The following NCOA2 variants were observed in gnomAD, a reference collection of about 807,000 sequenced individuals.
NCOA2 encodes the protein nuclear receptor coactivator 2.
A neutral mutation model predicts 145.1 loss-of-function variants in NCOA2; 21 were observed. That is an observed-to-expected ratio of 0.14 (90% confidence interval 0.10 to 0.21). The LOEUF (loss-of-function observed/expected upper bound fraction) is 0.21. NCOA2 is among the 10% of genes least tolerant of loss of function. NCOA2 has a pLI of 1.00. For missense variants in NCOA2, 1,472 were observed against 1,837.6 expected, an observed-to-expected ratio of 0.80 and a Z score of 3.64; for synonymous variants, 619 against 637.5, an observed-to-expected ratio of 0.97 and a Z score of 0.44.
At chr8:70,257,822 CCTGAT>C (rs1330931383) in intron 2 of NCOA2, among the ~76,000 whole-genome samples, 2 of 152,078 alleles carry the variant, frequency 1.3e-5, no homozygotes, top group Non-Finnish European at 2.9e-5. Context: ...TTCCTACCTC[CCTGAT>C]CTGTCTTGGA....
At chr8:70,284,839 GAGGGAGAAGGGAGA>G in intron 2 of NCOA2, among the ~76,000 whole-genome samples, 1 of 147,108 alleles carries the variant, frequency 6.8e-6, no homozygotes, top group African/African-American at 2.4e-5. Context: ...AGACAGGAGA[GAGGGAGAAGGGAGA>G]AGGGAGAGGG....
chr8:70,266,144 C>T (rs1352002306), intron 2 of NCOA2, among the ~76,000 whole-genome samples: 2 of 151,860 alleles, frequency 1.3e-5, no homozygotes, highest in Non-Finnish European at 1.5e-5. Context: ...AGTGAGACTC[C>T]GTCTCAAAAA....
At position 70,182,892 on chromosome 8, in the gene NCOA2, T is replaced by C. The variant is rs1386646567; in HGVS notation, c.260-8033A>G. On this transcript the variant is annotated intron_variant, in intron 4 of 22. Transcript: ENST00000452400. Reference sequence around the variant, plus strand: ...ACAATGTAGACACTGAAAGAACCCATGGAAACATGGCTTCAGAAGTGCTTC... The same window carrying C: ...ACAATGTAGACACTGAAAGAACCCACGGAAACATGGCTTCAGAAGTGCTTC... Among the ~76,000 whole-genome samples the C allele has an allele frequency of 5.9e-5, 9 of 152,112 alleles. No homozygotes were observed. The South Asian group carries it at 1.5e-3, about 25-fold the overall frequency.
chr8:70,279,959 G>C (rs1455679152), intron 2 of NCOA2, among the ~76,000 whole-genome samples: 1 of 152,150 alleles, frequency 6.6e-6, no homozygotes, highest in Middle Eastern at 3.2e-3. Context: ...ACTTACAAAA[G>C]GTAATAAGTT....
At chr8:70,148,518 A>G (rs1242835452) in intron 11 of NCOA2, 35 bp from the exon 12 acceptor site, 7 of 1,596,454 alleles carry the variant, frequency 4.4e-6, no homozygotes, top group Admixed American at 1.7e-5. Flanking sequence ...TATCCAGTCT[A>G]CTCTAAGAGT....
In NCOA2 at chr8:70,110,153, A is replaced by C. The variant is rs1806416813; in HGVS notation, c.*3479T>G. 1 of 201,508 alleles carries C rather than the reference A, an allele frequency of 5.0e-6. No individual in the cohort carries two copies. The highest frequency in any genetic ancestry group is 1.9e-4 in the South Asian group (1 of 5,246). The allele number at this position is 201,508 out of a possible 1,614,324, so 12.5% of individuals were successfully genotyped here. ...ACTTCATGAGGAACTGTACAAATAA[A>C]ACTCACAAATGACAAAGGAAAAAAA... is the stretch of plus-strand genomic sequence containing the variant. On this transcript the variant is annotated 3_prime_UTR_variant, in exon 23 of 23. Transcript: ENST00000452400.
intron 1 of NCOA2, among the ~76,000 whole-genome samples, chr8:70,314,178 T>TC (rs1805366038): frequency 1.6e-4 from 5 of 32,158 alleles, no homozygotes; most frequent in Non-Finnish European, 1.9e-4. Flanking sequence ...AGACTCTGAC[T>TC]CCAAAAAAAA....
intron 2 of NCOA2, among the ~76,000 whole-genome samples, chr8:70,221,596 T>A (rs1820141336): frequency 6.6e-6 from 1 of 152,130 alleles, no homozygotes; most frequent in Non-Finnish European, 1.5e-5. Context: ...ACAGAAGACA[T>A]CCAGTTGCTA....
chr8:70,251,864 A>G (rs1011792513), intron 2 of NCOA2, among the ~76,000 whole-genome samples: 1 of 152,200 alleles, frequency 6.6e-6, no homozygotes, highest in East Asian at 1.9e-4. Context: ...TTGGATAACC[A>G]TTGTCTCTGG....
At chr8:70,135,063 C>T (rs1415976977) in intron 15 of NCOA2, among the ~76,000 whole-genome samples, 6 of 152,112 alleles carry the variant, frequency 3.9e-5, no homozygotes, top group Admixed American at 1.3e-4. Flanking sequence ...GTGGGTAACG[C>T]CTAACCTTCC....
chr8:70,129,510 T>TG (rs773173749), intron 16 of NCOA2, among the ~76,000 whole-genome samples: 2 of 152,108 alleles, frequency 1.3e-5, no homozygotes, highest in Non-Finnish European at 2.9e-5. Flanking sequence ...TAGTACATGG[T>TG]GGGGTCCAAT....
intron 2 of NCOA2, among the ~76,000 whole-genome samples, chr8:70,223,925 C>CTT (rs1304815621): frequency 6.6e-6 from 1 of 152,194 alleles, no homozygotes; most frequent in Non-Finnish European, 1.5e-5. Flanking sequence ...TTAACTTAGT[C>CTT]AACAGTGACT....
intron 1 of NCOA2, among the ~76,000 whole-genome samples, chr8:70,337,394 A>T (rs141328750): frequency 3.3e-5 from 5 of 152,290 alleles, no homozygotes; most frequent in African/African-American, 1.2e-4. Flanking sequence ...TCCAAGAGAG[A>T]CCTTTCTGAA....
chr8:70,249,246 C>A (rs1156411319), intron 2 of NCOA2, among the ~76,000 whole-genome samples: 1 of 152,164 alleles, frequency 6.6e-6, no homozygotes, highest in Non-Finnish European at 1.5e-5. Context: ...CCCTCTAACC[C>A]ACAGCAGCAT....
chr8:70,202,967 C>T (rs114321707), intron 4 of NCOA2, among the ~76,000 whole-genome samples: 3,052 of 151,920 alleles, frequency 0.02, 122 homozygotes, highest in African/African-American at 0.07. Context: ...CTGAGGTGGC[C>T]GGATCACGAG....
At chr8:70,381,107 G>A (rs1286531602) in intron 1 of NCOA2, among the ~76,000 whole-genome samples, 1 of 151,566 alleles carries the variant, frequency 6.6e-6, no homozygotes, top group African/African-American at 2.4e-5. Context: ...ATGAAAAGAT[G>A]TATCTGGGAC....
chr8:70,157,278 G>T, intron 10 of NCOA2, 38 bp from the exon 11 acceptor site: 1 of 1,487,606 alleles, frequency 6.7e-7, no homozygotes, highest in Non-Finnish European at 9.0e-7. Flanking sequence ...AAGATAAAAG[G>T]AAAAATACTT....
At chr8:70,346,613 T>A (rs1474304696) in intron 1 of NCOA2, among the ~76,000 whole-genome samples, 2 of 152,208 alleles carry the variant, frequency 1.3e-5, no homozygotes, top group African/African-American at 4.8e-5. Flanking sequence ...GGATGCTCAA[T>A]GAGGCAGCTT....
intron 1 of NCOA2, among the ~76,000 whole-genome samples, chr8:70,348,357 A>G (rs1206528423): frequency 6.6e-6 from 1 of 152,208 alleles, no homozygotes; most frequent in Admixed American, 6.5e-5. Context: ...CAAGATGGGT[A>G]TATTTGGGCA....
Sources: gnomAD v4.1 joint callset for allele counts (sites outside exome capture counted in the v4.1 genomes callset) on GRCh38, gnomAD v4.1.1 for gene constraint, MANE v1.5 for transcripts, NCBI Gene and HGNC (gene_info 2026-07-23, HGNC 2026-07-21) for gene names.